UBAP1L: variants seen among roughly 807,000 people sequenced by gnomAD.
UBAP1L encodes ubiquitin associated protein 1 like, also known as ubiquitin-associated protein 1-like.
In UBAP1L, 32 loss-of-function variants were observed where a neutral mutation model predicts 32.1. The observed-to-expected ratio is 1.00, with a 90% CI of 0.75 to 1.34. The LOEUF (loss-of-function observed/expected upper bound fraction) is 1.34, where lower values mean the gene tolerates loss of function less well. Ranked by LOEUF, UBAP1L falls within the 40% of genes most tolerant of loss-of-function variation. UBAP1L has a pLI of 0.00. For missense variants in UBAP1L, 516 were observed against 540.5 expected, an observed-to-expected ratio of 0.95 and a Z score of 0.45; for synonymous variants, 243 against 250.2, an observed-to-expected ratio of 0.97 and a Z score of 0.27.
At chr15:65,098,096 G>A (rs1261425484) in intron 4 of UBAP1L, 1 of 152,166 alleles carries the variant, frequency 6.6e-6, no homozygotes, top group African/African-American at 2.4e-5. Flanking sequence ...GGCATTCAAT[G>A]TTACCTCCTG....
Position 65,102,735 on chromosome 15 carries a change from CACA to C in UBAP1L, c.121-54_121-52del. On this transcript the variant is annotated intron_variant, in intron 2 of 5. Transcript: ENST00000559089. The surrounding 1 kb of genome is among the most constrained non-coding windows in gnomAD (Gnocchi z 5.0). ...CCAGGGCAAACCAGGACCCCGGGGGCACAACACTAACCCCTGGCCTGGGGGACC... is the reference window on the plus strand; with the variant it reads ...CCAGGGCAAACCAGGACCCCGGGGGCACACTAACCCCTGGCCTGGGGGACC... The C allele has an allele frequency of 6.7e-7, 1 of 1,497,380 alleles. No individual in the cohort carries two copies. Among genetic ancestry groups the C allele is most frequent in the African/African-American group, 1.4e-5 (1 of 72,106 alleles). The allele number at this position is 1,497,380 out of a possible 1,614,324, so 92.8% of individuals were successfully genotyped here.
intron 2 of UBAP1L, among the ~76,000 whole-genome samples, chr15:65,104,496 T>C (rs1389378240): frequency 3.3e-5 from 5 of 151,986 alleles, no homozygotes; most frequent in African/African-American, 9.7e-5. Flanking sequence ...TAATAGAAAA[T>C]CCAGAAATAG....
At chr15:65,113,988 T>TGAGGA (rs2140573822) in intron 1 of UBAP1L, among the ~76,000 whole-genome samples, 1 of 152,016 alleles carries the variant, frequency 6.6e-6, no homozygotes, top group South Asian at 2.1e-4. Flanking sequence ...CCAGGTTCAA[T>TGAGGA]AGATTCTCCT....
chr15:65,112,136 G>A (rs2140572534), intron 1 of UBAP1L, among the ~76,000 whole-genome samples: 1 of 152,326 alleles, frequency 6.6e-6, no homozygotes, highest in South Asian at 2.1e-4. Flanking sequence ...GAAGCTTCAG[G>A]AAGTAGATGG....
intron 3 of UBAP1L, chr15:65,101,166 T>C (rs946590468): frequency 1.3e-5 from 2 of 152,256 alleles, no homozygotes; most frequent in Admixed American, 6.5e-5. Flanking sequence ...GATTGAATTC[T>C]ACCTTGGCCT....
intron 4 of UBAP1L, chr15:65,096,414 T>C (rs2087174515): frequency 6.6e-6 from 1 of 152,224 alleles, no homozygotes; most frequent in African/African-American, 2.4e-5. Context: ...ATCTATACTA[T>C]GCCACAGTGA....
chr15:65,097,575 C>T (rs2087190224), intron 4 of UBAP1L: 1 of 152,234 alleles, frequency 6.6e-6, no homozygotes, highest in Non-Finnish European at 1.5e-5. Context: ...TCCTCATCTG[C>T]AAAGTGGTCA....
intron 5 of UBAP1L, 34 bp from the exon 6 acceptor site, chr15:65,093,265 C>T (rs2087138595): frequency 1.3e-6 from 2 of 1,512,680 alleles, no homozygotes; most frequent in African/African-American, 1.4e-5. Context: ...GTGCTGGGGG[C>T]TCTGCTGGGC....
At chr15:65,109,773 C>T (rs1236581488) in intron 1 of UBAP1L, among the ~76,000 whole-genome samples, 1 of 152,160 alleles carries the variant, frequency 6.6e-6, no homozygotes, top group Non-Finnish European at 1.5e-5. Flanking sequence ...TACCACTACA[C>T]AAACATACAA....
At chr15:65,110,226 G>A (rs929514991) in intron 1 of UBAP1L, among the ~76,000 whole-genome samples, 3 of 151,726 alleles carry the variant, frequency 2.0e-5, no homozygotes, top group African/African-American at 7.3e-5. Context: ...GGGCGTGGTG[G>A]TGCGTGCCTG....
At chr15:65,114,863 T>C (rs998598097) in intron 1 of UBAP1L, among the ~76,000 whole-genome samples, 1 of 152,120 alleles carries the variant, frequency 6.6e-6, no homozygotes, top group Non-Finnish European at 1.5e-5. Context: ...AAAAGGCAAA[T>C]GAACTCTGCA....
intron 1 of UBAP1L, among the ~76,000 whole-genome samples, chr15:65,111,870 A>G (rs2087371666): frequency 6.6e-6 from 1 of 150,624 alleles, no homozygotes; most frequent in South Asian, 2.1e-4. Context: ...GGCTCACTGC[A>G]AGCTCCGTCC....
At chr15:65,099,438 G>A in intron 4 of UBAP1L, 67 bp downstream of exon 4, 1 of 1,497,994 alleles carries the variant, frequency 6.7e-7, no homozygotes, top group African/African-American at 1.4e-5. Context: ...CTCAAAAGGT[G>A]AAAATCATGT....
At chr15:65,105,727 G>T (rs2087301046) in intron 2 of UBAP1L, 4 of 698,824 alleles carry the variant, frequency 5.7e-6, no homozygotes, top group Non-Finnish European at 1.1e-5. Flanking sequence ...CGTTACAATG[G>T]TGGAGTTGGT....
intron 2 of UBAP1L, among the ~76,000 whole-genome samples, chr15:65,104,112 C>A (rs2087275768): frequency 6.6e-6 from 1 of 152,056 alleles, no homozygotes; most frequent in Non-Finnish European, 1.5e-5. Context: ...ATTAACTGGG[C>A]ATGGTGGCAC....
At chr15:65,106,869 G>A (rs1337749734) in intron 1 of UBAP1L, among the ~76,000 whole-genome samples, 2 of 152,014 alleles carry the variant, frequency 1.3e-5, no homozygotes, top group Non-Finnish European at 2.9e-5. Context: ...TCAAACTCCC[G>A]GCCTTAGGTG....
Position 65,113,695 on chromosome 15 carries a change from C to T in UBAP1L, c.-174+1455G>A, listed in dbSNP as rs531826427. On this transcript the variant is annotated intron_variant, in intron 1 of 5. Transcript: ENST00000559089. ...CCTGGGAGGCGAAGGTTGCAGTGAA[C>T]CAAGATCACGCCACTGCACTCCAGC... Among the ~76,000 whole-genome samples the T allele has an allele frequency of 5.9e-5, 9 of 152,198 alleles. No individual in the cohort carries two copies. The South Asian group carries it at 1.9e-3, about 32-fold the overall frequency.
Position 65,102,549 on chromosome 15 carries a change from C to A in UBAP1L, c.256G>T (p.Gly86Trp). Reference sequence around the variant, plus strand: ...ATTGTGGTGGGCGCAGGCGCCAGCCCATGTTCGGGGCTGACTAGCAAGAGC... The same window carrying A: ...ATTGTGGTGGGCGCAGGCGCCAGCCAATGTTCGGGGCTGACTAGCAAGAGC... The part of the protein sequence containing the change: ...AWLLLVSPEH[G>W]LAPAPTTIRD... The change falls in exon 3 of 6, where the codon GGG (glycine) becomes TGG (tryptophan). Residue 86 changes from glycine to tryptophan, a missense_variant. Gly to Trp is a radical substitution (Grantham distance 184). Coordinates refer to ENST00000559089, the MANE Select transcript of UBAP1L (RefSeq NM_001163692.2). The surrounding 1 kb of genome is among the most constrained non-coding windows in gnomAD (Gnocchi z 5.0). 6.5e-7 allele frequency: 1 copy of A among 1,529,748 alleles called. No homozygotes were observed. Among genetic ancestry groups the A allele is most frequent in the Non-Finnish European group, 8.8e-7 (1 of 1,137,932 alleles). 94.8% of individuals were successfully genotyped at this position (1,529,748 alleles called of 1,614,324 possible).
Position 65,102,538 on chromosome 15 carries a change from A to G in UBAP1L, c.267T>C (p.Pro89=). The G allele has an allele frequency of 6.6e-7, 1 of 1,516,290 alleles. No homozygotes were observed. The highest frequency in any genetic ancestry group is 2.2e-5 in the Admixed American group (1 of 45,954). The allele number at this position is 1,516,290 out of a possible 1,614,324, so 93.9% of individuals were successfully genotyped here. ...LLVSPEHGLA[P]APTTIRDPEA... is the part of the protein sequence containing the mutation. The stretch of plus-strand genomic sequence containing the variant: ...CCGGGTCTCTGATTGTGGTGGGCGC[A>G]GGCGCCAGCCCATGTTCGGGGCTGA... The change falls in exon 3 of 6, where the codon CCT becomes CCC. Residue 89 remains proline, a synonymous_variant. Transcript: ENST00000559089. The surrounding 1 kb of genome is among the most constrained non-coding windows in gnomAD (Gnocchi z 5.0).
Sources: gnomAD v4.1 joint callset for allele counts (sites outside exome capture counted in the v4.1 genomes callset) on GRCh38, gnomAD v4.1.1 for gene constraint, Gnocchi (gnomAD v3.1) non-coding constraint, MANE v1.5 for transcripts, NCBI Gene and HGNC (gene_info 2026-07-23, HGNC 2026-07-21) for gene names.